The following OR2C1 variants were observed in gnomAD, a reference collection of about 807,000 sequenced individuals.
OR2C1 encodes olfactory receptor family 2 subfamily C member 1, also known as olfactory receptor 2C1.
For missense variants in OR2C1, 468 were observed against 388.3 expected (o/e 1.21, Z -1.73); for synonymous variants, 209 against 167.3 (o/e 1.25, Z -1.92).
chr16:3,341,335 G>A, the OR2C1 span, among the ~76,000 whole-genome samples: 21 of 151,958 alleles, frequency 1.4e-4, no homozygotes, highest in Non-Finnish European at 2.4e-4. Context: ...ATTAGTTTTA[G>A]TAGTTTTTAT....
At chr16:3,354,265 G>A (rs1283077424), upstream of OR2C1, among the ~76,000 whole-genome samples, 3 of 152,108 alleles carry the variant, frequency 2.0e-5, no homozygotes, top group Admixed American at 6.5e-5. Flanking sequence ...GATTACAGGC[G>A]TGAGCCACTG....
At chr16:3,323,893 CA>C in the OR2C1 span, 2 of 1,320,420 alleles carry the variant, frequency 1.5e-6, no homozygotes, top group Non-Finnish European at 1.1e-6. Flanking sequence ...TTTCTGGAAC[CA>C]AAGGGATTTT....
chr16:3,357,903 CT>C (rs1428409635), downstream of OR2C1, among the ~76,000 whole-genome samples: 1 of 151,132 alleles, frequency 6.6e-6, no homozygotes, highest in Non-Finnish European at 1.5e-5. Flanking sequence ...ATCGCTTGAA[CT>C]CGGGAGGCAG....
the OR2C1 span, among the ~76,000 whole-genome samples, chr16:3,324,445 G>T: frequency 1.3e-5 from 2 of 152,042 alleles, no homozygotes; most frequent in African/African-American, 4.8e-5. Flanking sequence ...CTGCATAGCA[G>T]AGTTAATAGA....
rs372910042 is a variant in OR2C1 at position 3,356,057 on chromosome 16, A to C, written c.117A>C (p.Leu39=). The C allele has an allele frequency of 1.9e-6, 3 of 1,613,898 alleles. No individual in the cohort carries two copies. The highest frequency in any genetic ancestry group is 2.5e-6 in the Non-Finnish European group (3 of 1,179,952). The change falls in exon 1 of 1, where the codon CTA becomes CTC. Residue 39 remains leucine, a synonymous_variant. Coordinates refer to ENST00000304936, the MANE Select transcript of OR2C1 (RefSeq NM_012368.3). The stretch of plus-strand genomic sequence containing the variant: ...TCCTCTTCTCCTATTTGCTGACCCT[A>C]CTTGGGAACTCAACCATCATCTTGC... ...IAILFSYLLT[L]LGNSTIILLS... is the part of the protein sequence containing the mutation.
At chr16:3,338,043 A>G in the OR2C1 span, among the ~76,000 whole-genome samples, 6 of 152,096 alleles carry the variant, frequency 3.9e-5, no homozygotes, top group Non-Finnish European at 7.4e-5. Flanking sequence ...CTAGTGAATG[A>G]TTGCAGCACT....
At chr16:3,329,674 C>T in the OR2C1 span, among the ~76,000 whole-genome samples, 3 of 150,752 alleles carry the variant, frequency 2.0e-5, no homozygotes, top group Non-Finnish European at 4.4e-5. Flanking sequence ...TGGTCTCAAT[C>T]TCCTGACCTC....
the OR2C1 span, among the ~76,000 whole-genome samples, chr16:3,333,881 GAGAC>G: frequency 6.6e-6 from 1 of 152,048 alleles, no homozygotes; most frequent in African/African-American, 2.4e-5. Context: ...TATATGGTGA[GAGAC>G]AGGGGGCTAG....
chr16:3,325,529 G>C, the OR2C1 span, among the ~76,000 whole-genome samples: 1 of 146,284 alleles, frequency 6.8e-6, no homozygotes, highest in Admixed American at 6.9e-5. Flanking sequence ...CTGGCATGGA[G>C]ATATGAAGTG....
the OR2C1 span, among the ~76,000 whole-genome samples, chr16:3,335,122 C>T: frequency 6.6e-6 from 1 of 152,160 alleles, no homozygotes; most frequent in Non-Finnish European, 1.5e-5. Flanking sequence ...CCTGTCTCCA[C>T]TTAGTTCTTT....
At chr16:3,352,221 A>C (rs2030583378), upstream of OR2C1, among the ~76,000 whole-genome samples, 1 of 151,910 alleles carries the variant, frequency 6.6e-6, no homozygotes, top group Non-Finnish European at 1.5e-5. Flanking sequence ...GGTTCAAGCC[A>C]TTCTCCTGCC....
At chr16:3,348,327 G>A in the OR2C1 span, among the ~76,000 whole-genome samples, 6 of 152,132 alleles carry the variant, frequency 3.9e-5, no homozygotes, top group African/African-American at 1.2e-4. Context: ...ATAATTTACC[G>A]AATTCCCCTA....
At chr16:3,324,306 A>G in the OR2C1 span, among the ~76,000 whole-genome samples, 8 of 152,040 alleles carry the variant, frequency 5.3e-5, no homozygotes, top group African/African-American at 9.7e-5. Flanking sequence ...CTCGGGCCTC[A>G]TGCTTCCCAA....
At chr16:3,340,169 C>A in the OR2C1 span, among the ~76,000 whole-genome samples, 1 of 152,078 alleles carries the variant, frequency 6.6e-6, no homozygotes, top group East Asian at 1.9e-4. Context: ...ATTCCAGCTA[C>A]TCGGGAGGCT....
At chr16:3,334,478 A>T in the OR2C1 span, among the ~76,000 whole-genome samples, 1 of 149,746 alleles carries the variant, frequency 6.7e-6, no homozygotes, top group Non-Finnish European at 1.5e-5. Flanking sequence ...GGGTTTTACC[A>T]TGTTGCCCAG....
At chr16:3,331,985 C>A in the OR2C1 span, among the ~76,000 whole-genome samples, 5 of 150,090 alleles carry the variant, frequency 3.3e-5, no homozygotes, top group South Asian at 1.1e-3. Context: ...AACAAAAAAC[C>A]AAACACTGCA....
At chr16:3,331,616 T>G in the OR2C1 span, among the ~76,000 whole-genome samples, 1 of 151,838 alleles carries the variant, frequency 6.6e-6, no homozygotes, top group Non-Finnish European at 1.5e-5. Context: ...GGCTAGCCAG[T>G]TTTCCCAGCA....
At chr16:3,344,520 G>T in the OR2C1 span, among the ~76,000 whole-genome samples, 1 of 152,196 alleles carries the variant, frequency 6.6e-6, no homozygotes, top group Non-Finnish European at 1.5e-5. Flanking sequence ...GAGGTCAGGA[G>T]ATCGAGACCA....
upstream of OR2C1, among the ~76,000 whole-genome samples, chr16:3,352,553 AT>A (rs1166096033): frequency 1.3e-5 from 2 of 151,944 alleles, no homozygotes; most frequent in African/African-American, 2.4e-5. Flanking sequence ...TTAACTATGT[AT>A]TTTTTTCTTT....
Sources: gnomAD v4.1 joint callset for allele counts (sites outside exome capture counted in the v4.1 genomes callset) on GRCh38, gnomAD v4.1.1 for gene constraint, MANE v1.5 for transcripts, NCBI Gene and HGNC (gene_info 2026-07-23, HGNC 2026-07-21) for gene names.